POLA1: variants seen among roughly 807,000 people sequenced by gnomAD.
The protein encoded by POLA1 is DNA polymerase alpha catalytic subunit.
In POLA1, 15 loss-of-function variants were observed where a neutral mutation model predicts 124.0. The ratio of observed to expected loss-of-function variants is 0.12; its 90% CI spans 0.08 to 0.19. The LOEUF (loss-of-function observed/expected upper bound fraction) is 0.19. POLA1 is among the 10% of genes least tolerant of loss of function. POLA1 has a pLI of 1.00. For missense variants in POLA1, 886 were observed against 1,103.4 expected, an observed-to-expected ratio of 0.80 and a Z score of 2.79; for synonymous variants, 408 against 389.4, an observed-to-expected ratio of 1.05 and a Z score of -0.56.
intron 35 of POLA1, among the ~76,000 whole-genome samples, chrX:24,916,123 A>G (rs1476666859): frequency 9.0e-6 from 1 of 111,565 alleles, no homozygotes. Flanking sequence ...AGGCTTGGGA[A>G]TTGAAGAATT....
intron 35 of POLA1, among the ~76,000 whole-genome samples, chrX:24,914,638 G>A (rs1022766093): frequency 1.8e-5 from 2 of 111,350 alleles, no homozygotes; most frequent in African/African-American, 6.5e-5. Flanking sequence ...ATGTAAAGCC[G>A]TAATAACATG....
Position 24,741,442 on chromosome X carries a change from A to G in POLA1, c.2284A>G (p.Met762Val), listed in dbSNP as rs1392256709. 2 of 1,196,292 alleles carry G rather than the reference A, an allele frequency of 1.7e-6. No individual in the cohort carries two copies. Among genetic ancestry groups the G allele is most frequent in the Admixed American group, 4.3e-5 (2 of 46,002 alleles). ...AGATGCCAAGTTCATTTTGCAGATC[A>G]TGTGTGAGCTAAATGTTCTTCCATT... The part of the protein sequence containing the change: ...WKDAKFILQI[M>V]CELNVLPLAL... Residue 762 changes from methionine (M) to valine (V), a missense_variant, in exon 21 of 37, where the codon ATG becomes GTG. This residue lies in a region of POLA1 where 182 missense variants were observed against 252.8 expected (regional missense o/e 0.72). Transcript: ENST00000379068.
chrX:24,712,522 A>G (rs773472657), intron 4 of POLA1, among the ~76,000 whole-genome samples: 2 of 112,141 alleles, frequency 1.8e-5, no homozygotes, highest in Non-Finnish European at 3.8e-5. Context: ...TGTCAGGGAA[A>G]TTGGTCCTTT....
At chrX:24,931,209 C>T (rs2047774114) in intron 36 of POLA1, among the ~76,000 whole-genome samples, 1 of 110,625 alleles carries the variant, frequency 9.0e-6, no homozygotes, top group Non-Finnish European at 1.9e-5. Context: ...CTGAAAATCA[C>T]ATTGACAACT....
At chrX:24,957,958 A>G (rs1163844588) in intron 36 of POLA1, among the ~76,000 whole-genome samples, 1 of 110,986 alleles carries the variant, frequency 9.0e-6, no homozygotes, top group Non-Finnish European at 1.9e-5. Flanking sequence ...GATTTTCTCA[A>G]CCTTGGCACT....
chrX:24,843,560 G>A lies in POLA1; in HGVS notation c.3930G>A (p.Glu1310=). ...NVFDGSGTDM[E]PSLYRCSNID... ...GACTTATGTAGGGAACAGATATGGA[G>A]CCCAGCTTGTATCGTTGCAGTAACA... The change falls in exon 34 of 37, where the codon GAG becomes GAA. Residue 1310 remains glutamate (E), a synonymous_variant. Coordinates refer to ENST00000379068, the MANE Select transcript of POLA1 (RefSeq NM_001330360.2). 1 of 1,194,642 alleles carries A rather than the reference G, an allele frequency of 8.4e-7. No homozygotes were observed. Among genetic ancestry groups the A allele is most frequent in the Non-Finnish European group, 1.1e-6 (1 of 885,029 alleles).
chrX:24,966,293 C>G (rs2048222739), intron 36 of POLA1, among the ~76,000 whole-genome samples: 1 of 111,321 alleles, frequency 9.0e-6, no homozygotes, highest in South Asian at 3.9e-4. Context: ...AGTTTCTCAA[C>G]AGTCAACTGC....
intron 26 of POLA1, among the ~76,000 whole-genome samples, chrX:24,790,907 A>G (rs1471012995): frequency 1.8e-4 from 13 of 71,687 alleles, no homozygotes; most frequent in African/African-American, 6.5e-4. Context: ...TTATTTATGT[A>G]TATGTATATA....
chrX:24,792,838 A>G (rs2045528309), intron 26 of POLA1, among the ~76,000 whole-genome samples: 1 of 111,826 alleles, frequency 8.9e-6, no homozygotes, highest in South Asian at 3.7e-4. Context: ...TGTCAAGATC[A>G]TAAGGTGGAG....
rs200666456 is a variant in POLA1 at position 24,927,825 on chromosome X, A to G, written c.4165-2628A>G. ...TGAGCATTTAAGTGTGAGGAAAAAA[A>G]CGCTGAAGATCTCAGATAAGACTAG... On this transcript the variant is annotated intron_variant, in intron 35 of 36. Transcript: ENST00000379068. Among the ~76,000 whole-genome samples, 7 of 112,353 alleles carry G rather than the reference A, an allele frequency of 6.2e-5. No homozygotes were observed. In the East Asian group the frequency reaches 1.1e-3, roughly 18 times the overall value.
chrX:24,764,941 T>A (rs1386323555), intron 26 of POLA1, among the ~76,000 whole-genome samples: 6 of 111,463 alleles, frequency 5.4e-5, no homozygotes, highest in African/African-American at 1.3e-4. Flanking sequence ...CCTATATTTT[T>A]AAGGTGTAAT....
intron 26 of POLA1, chrX:24,788,332 TC>T: frequency 2.5e-6 from 2 of 807,754 alleles, no homozygotes; most frequent in Non-Finnish European, 3.2e-6. Flanking sequence ...TTTTACTACT[TC>T]TTTTTTTTTT....
chrX:24,918,959 G>A (rs1317029792), intron 35 of POLA1, among the ~76,000 whole-genome samples: 3 of 111,783 alleles, frequency 2.7e-5, no homozygotes, highest in Non-Finnish European at 5.6e-5. Flanking sequence ...ATCTACTGCC[G>A]TGATCAAAAC....
chrX:24,816,400 T>C (rs986959259), intron 30 of POLA1, among the ~76,000 whole-genome samples: 3 of 112,356 alleles, frequency 2.7e-5, no homozygotes, highest in Non-Finnish European at 5.6e-5. Flanking sequence ...TTATGTTTAT[T>C]CTTAGGTAAG....
chrX:24,763,442 T>C (rs183944562), intron 26 of POLA1, among the ~76,000 whole-genome samples: 132 of 110,963 alleles, frequency 1.2e-3, no homozygotes, highest in African/African-American at 4.1e-3. Flanking sequence ...ATCGTAGACA[T>C]GTTAATTTTG....
At chrX:24,805,512 G>T (rs1304010018) in intron 26 of POLA1, among the ~76,000 whole-genome samples, 1 of 111,562 alleles carries the variant, frequency 9.0e-6, no homozygotes, top group East Asian at 2.8e-4. Flanking sequence ...AATCACGAAG[G>T]CATTTTATAT....
intron 26 of POLA1, among the ~76,000 whole-genome samples, chrX:24,761,133 A>AT (rs1932787366): frequency 1.8e-5 from 2 of 112,308 alleles, no homozygotes; most frequent in African/African-American, 6.5e-5. Flanking sequence ...TTTCTGTGTC[A>AT]TCTTTGGAAT....
chrX:24,737,040 CTA>C (rs1229078984), intron 18 of POLA1, among the ~76,000 whole-genome samples: 1 of 111,511 alleles, frequency 9.0e-6, no homozygotes, highest in Non-Finnish European at 1.9e-5. Context: ...AATTTCTACT[CTA>C]TATAGTTTTG....
chrX:24,696,126 T>C (rs1927980093), intron 1 of POLA1, among the ~76,000 whole-genome samples: 1 of 112,803 alleles, frequency 8.9e-6, no homozygotes, highest in Non-Finnish European at 1.9e-5. Context: ...CATGTAATCC[T>C]TAACAGATTT....
Sources: allele counts gnomAD v4.1 joint callset (sites outside exome capture counted in the v4.1 genomes callset), GRCh38; gene constraint gnomAD v4.1.1; regional missense constraint gnomAD v4.1.1; transcripts MANE v1.5; gene names NCBI Gene and HGNC (gene_info 2026-07-23, HGNC 2026-07-21).